The following TPH2 variants were observed in gnomAD, a reference collection of about 807,000 sequenced individuals.
The protein encoded by TPH2 is tryptophan 5-hydroxylase 2.
Under a neutral mutation model 59.1 loss-of-function variants are expected in TPH2, and 27 were observed. That is an observed-to-expected ratio of 0.46 (90% confidence interval 0.34 to 0.63). The LOEUF (loss-of-function observed/expected upper bound fraction) is 0.63, where lower values mean the gene tolerates loss of function less well. Among genes scored for constraint, TPH2 ranks in the 30% least tolerant of loss-of-function variants. The pLI is 0.01. For synonymous variants in TPH2, 220 were observed against 210.5 expected (o/e 1.05, Z -0.39); for missense variants, 523 against 588.3 (o/e 0.89, Z 1.15).
At chr12:71,972,833 T>C in intron 6 of TPH2, 118 bp downstream of exon 6, 1 of 1,178,668 alleles carries the variant, frequency 8.5e-7, no homozygotes, top group Non-Finnish European at 1.2e-6. Context: ...TAAAAAATTG[T>C]TGGCTTTGAG....
At chr12:71,960,437 A>G (rs1416557046) in intron 5 of TPH2, among the ~76,000 whole-genome samples, 1 of 152,262 alleles carries the variant, frequency 6.6e-6, no homozygotes, top group Non-Finnish European at 1.5e-5. Context: ...CACAGTTCTT[A>G]TAAGTATTTA....
chr12:71,948,234 T>A (rs530692541), intron 4 of TPH2, among the ~76,000 whole-genome samples: 2 of 152,098 alleles, frequency 1.3e-5, no homozygotes, highest in East Asian at 1.9e-4. Flanking sequence ...TTTTGTAAAA[T>A]TTTTTATATA....
intron 9 of TPH2, among the ~76,000 whole-genome samples, chr12:72,028,852 G>A (rs1400484460): frequency 6.6e-6 from 1 of 152,156 alleles, no homozygotes; most frequent in African/African-American, 2.4e-5. Context: ...TGTTACATTG[G>A]TCAAGCGTGA....
chr12:71,970,097 C>T (rs923877944), intron 5 of TPH2, among the ~76,000 whole-genome samples: 1 of 152,054 alleles, frequency 6.6e-6, no homozygotes, highest in African/African-American at 2.4e-5. Context: ...TCAACAGAAA[C>T]GAAGTAGATA....
rs553876861 is a variant in TPH2 at position 72,014,698 on chromosome 12, A to T, written c.1069-7701A>T. On this transcript the variant is annotated intron_variant, in intron 8 of 10. Transcript: ENST00000333850. Reference sequence around the variant, plus strand: ...GAACCACCGTGCCCGGCCCAGAAAAATTTTTAACTCAAGAATGCTTGCCCT... The same window carrying T: ...GAACCACCGTGCCCGGCCCAGAAAATTTTTTAACTCAAGAATGCTTGCCCT... Among the ~76,000 whole-genome samples the T allele has an allele frequency of 4.3e-4, 66 of 152,106 alleles. 1 individual carries two copies. Among genetic ancestry groups the T allele is most frequent in the African/African-American group, 1.6e-3 (66 of 41,484 alleles).
intron 9 of TPH2, among the ~76,000 whole-genome samples, chr12:72,030,459 T>C (rs1284559602): frequency 1.3e-5 from 2 of 152,182 alleles, no homozygotes; most frequent in East Asian, 3.8e-4. Context: ...CACTAACTTT[T>C]AACATCACTG....
intron 2 of TPH2, among the ~76,000 whole-genome samples, chr12:71,944,087 C>T (rs1871140904): frequency 6.6e-6 from 1 of 151,942 alleles, no homozygotes; most frequent in African/African-American, 2.4e-5. Flanking sequence ...GGCAGGACAA[C>T]CTATACACAG....
chr12:71,979,123 A>G (rs754505269), intron 7 of TPH2, 36 bp downstream of exon 7: 11 of 1,613,852 alleles, frequency 6.8e-6, no homozygotes, highest in Non-Finnish European at 7.6e-6. Flanking sequence ...CCACCACACC[A>G]TAAAGTGGTC....
At chr12:71,940,516 A>G (rs1440135620) in intron 1 of TPH2, among the ~76,000 whole-genome samples, 4 of 152,198 alleles carry the variant, frequency 2.6e-5, no homozygotes, top group Non-Finnish European at 4.4e-5. Flanking sequence ...ATGAGGATGT[A>G]GTAGATTGGT....
intron 8 of TPH2, among the ~76,000 whole-genome samples, chr12:72,018,798 C>T (rs938879418): frequency 2.0e-5 from 3 of 152,118 alleles, no homozygotes; most frequent in African/African-American, 7.2e-5. Flanking sequence ...TTTATTTCTC[C>T]ATTATTTGGT....
intron 9 of TPH2, among the ~76,000 whole-genome samples, chr12:72,029,611 A>G (rs916764401): frequency 5.9e-5 from 9 of 152,288 alleles, no homozygotes; most frequent in African/African-American, 2.2e-4. Context: ...CCCTGCATTG[A>G]ATCTAGCACA....
At chr12:72,024,947 T>A (rs1423462946) in intron 9 of TPH2, among the ~76,000 whole-genome samples, 1 of 152,176 alleles carries the variant, frequency 6.6e-6, no homozygotes, top group Non-Finnish European at 1.5e-5. Context: ...ATTTTTACAA[T>A]TCAGAAATAC....
chr12:72,031,729 T>C lies in TPH2; in HGVS notation c.*34T>C, dbSNP rs1873729354. ...ACTATGTTGTTGCCAGCATGATCTT[T>C]TTGGGGCTTAGCAGCAGTTCAGTCA... On this transcript the variant is annotated 3_prime_UTR_variant, in exon 11 of 11. Coordinates refer to ENST00000333850, the MANE Select transcript of TPH2 (RefSeq NM_173353.4). 1.2e-6 allele frequency: 2 copies of C among 1,612,622 alleles called. No homozygotes were observed. Among genetic ancestry groups the C allele is most frequent in the Admixed American group, 1.7e-5 (1 of 59,974 alleles).
chr12:72,031,107 C>A (rs1873709996), intron 9 of TPH2, 151 bp from the exon 10 acceptor site: 2 of 1,085,400 alleles, frequency 1.8e-6, no homozygotes, highest in Non-Finnish European at 2.8e-6. Context: ...ATTTACCCTG[C>A]ACACAGGAGA....
At chr12:72,017,267 G>C (rs1410558832) in intron 8 of TPH2, among the ~76,000 whole-genome samples, 1 of 152,088 alleles carries the variant, frequency 6.6e-6, no homozygotes, top group East Asian at 1.9e-4. Context: ...TGGCAGCATT[G>C]GGCGACCTAT....
chr12:72,014,679 C>G (rs999844855), intron 8 of TPH2, among the ~76,000 whole-genome samples: 2 of 152,168 alleles, frequency 1.3e-5, no homozygotes, highest in African/African-American at 4.8e-5. Flanking sequence ...GCGTGAACCA[C>G]CGTGCCCGGC....
At chr12:71,974,043 AT>A (rs1446694931) in intron 6 of TPH2, among the ~76,000 whole-genome samples, 1 of 152,048 alleles carries the variant, frequency 6.6e-6, no homozygotes, top group African/African-American at 2.4e-5. Context: ...AAGTCCTTGG[AT>A]TCTCTGCCCT....
chr12:72,015,316 T>G (rs969801217), intron 8 of TPH2, among the ~76,000 whole-genome samples: 4 of 105,768 alleles, frequency 3.8e-5, no homozygotes, highest in African/African-American at 1.5e-4. Context: ...TTTTTGGTTG[T>G]TTTTTTTTTT....
chr12:72,007,391 T>C (rs1364919537), intron 8 of TPH2, among the ~76,000 whole-genome samples: 1 of 152,180 alleles, frequency 6.6e-6, no homozygotes, highest in African/African-American at 2.4e-5. Context: ...ATGCTGTTCA[T>C]AAATACATGC....
Sources: allele counts gnomAD v4.1 joint callset (sites outside exome capture counted in the v4.1 genomes callset), GRCh38; gene constraint gnomAD v4.1.1; transcripts MANE v1.5; gene names NCBI Gene and HGNC (gene_info 2026-07-23, HGNC 2026-07-21).